NSG1: variants seen among roughly 807,000 people sequenced by gnomAD.
NSG1 encodes the protein neuronal vesicle trafficking-associated protein 1.
Under a neutral mutation model 19.3 loss-of-function variants are expected in NSG1, and 9 were observed. The ratio of observed to expected loss-of-function variants is 0.47; its 90% CI spans 0.28 to 0.81. The LOEUF (loss-of-function observed/expected upper bound fraction) is 0.81. NSG1 is among the 40% of genes least tolerant of loss of function. NSG1 has a pLI of 0.11. For missense variants in NSG1, 236 were observed against 242.4 expected (o/e 0.97, Z 0.18); for synonymous variants, 104 against 107.0 (o/e 0.97, Z 0.17).
chr4:4,415,266 C>T (rs779641553), intron 4 of NSG1, among the ~76,000 whole-genome samples: 18 of 152,170 alleles, frequency 1.2e-4, no homozygotes, highest in South Asian at 2.1e-4. Context: ...AACACACTTA[C>T]GTAGCTACCT....
At chr4:4,414,647 T>C (rs1560148954) in intron 4 of NSG1, among the ~76,000 whole-genome samples, 1 of 152,192 alleles carries the variant, frequency 6.6e-6, no homozygotes, top group African/African-American at 2.4e-5. Context: ...CAGAAGCCCT[T>C]TGAGGTGGAT....
At chr4:4,415,800 T>C in intron 4 of NSG1, 1 of 344,770 alleles carries the variant, frequency 2.9e-6, no homozygotes, top group Non-Finnish European at 5.4e-6. Flanking sequence ...AGGGGAACCC[T>C]TGGTCCGTTT....
rs533777180 is a variant in NSG1, at chr4:4,387,215, C to G, written c.-27+42C>G. 219 of 163,462 alleles carry G rather than the reference C, an allele frequency of 1.3e-3. 1 individual carries two copies. The highest frequency in any genetic ancestry group is 3.9e-3 in the Admixed American group (60 of 15,562). The allele number at this position is 163,462 out of a possible 1,614,324, so 10.1% of individuals were successfully genotyped here. ...GCGCCTGGGCTTGCCGAGGCCAGAC[C>G]TTGCCCGCCCAGGAGCAGTGCCCGG... On this transcript the variant is annotated intron_variant, in intron 1 of 4. Transcript: ENST00000621129.
At chr4:4,416,260 C>A in intron 4 of NSG1, 1 of 700,552 alleles carries the variant, frequency 1.4e-6, no homozygotes, top group South Asian at 1.5e-5. Flanking sequence ...GCCCTCCTGC[C>A]AGTGGCAGCC....
intron 3 of NSG1, among the ~76,000 whole-genome samples, chr4:4,402,371 AT>A (rs1161754574): frequency 1.3e-4 from 7 of 53,954 alleles, no homozygotes; most frequent in South Asian, 1.3e-3. Flanking sequence ...ACGCCTGGTT[AT>A]TTTTTTTTTT....
chr4:4,410,921 G>A (rs1010424476), intron 4 of NSG1, among the ~76,000 whole-genome samples: 5 of 152,188 alleles, frequency 3.3e-5, no homozygotes, highest in East Asian at 1.9e-4. Flanking sequence ...GCAATGGTGC[G>A]TTCTTGACTC....
chr4:4,411,591 A>G lies in NSG1; in HGVS notation c.357+1908A>G, dbSNP rs1248644456. On this transcript the variant is annotated intron_variant, in intron 4 of 4. Transcript: ENST00000621129. Reference sequence around the variant, plus strand: ...AAACACCGTCTCTACTAAAAATACAAAAATTAGCCAGGCATGGTGGCGGGT... The same window carrying G: ...AAACACCGTCTCTACTAAAAATACAGAAATTAGCCAGGCATGGTGGCGGGT... Among the ~76,000 whole-genome samples the G allele has an allele frequency of 3.3e-5, 5 of 152,178 alleles. No individual in the cohort carries two copies. The East Asian group carries it at 9.6e-4, about 29-fold the overall frequency.
intron 4 of NSG1, among the ~76,000 whole-genome samples, chr4:4,411,798 C>T (rs1724219123): frequency 1.4e-5 from 2 of 142,980 alleles, no homozygotes; most frequent in South Asian, 4.2e-4. Flanking sequence ...CAAAACATTG[C>T]CTTCTTCCAG....
chr4:4,409,567 C>G lies in NSG1; in HGVS notation c.247-6C>G. On this transcript the variant is annotated splice_polypyrimidine_tract_variant and splice_region_variant and intron_variant, in intron 3 of 4. Coordinates refer to ENST00000621129, the MANE Select transcript of NSG1 (RefSeq NM_014392.5). ...CCACCCCTGACAGTCCCACCTCTGC[C>G]CACAGGTCTCCGTGTTGGTCCTCTT... is the stretch of plus-strand genomic sequence containing the variant. 1.9e-6 allele frequency: 3 copies of G among 1,612,904 alleles called. No individual in the cohort carries two copies. The highest frequency in any genetic ancestry group is 2.5e-6 in the Non-Finnish European group (3 of 1,178,954).
intron 2 of NSG1, among the ~76,000 whole-genome samples, chr4:4,389,936 A>G (rs1385974785): frequency 6.6e-6 from 1 of 151,992 alleles, no homozygotes; most frequent in Admixed American, 6.6e-5. Context: ...CTACCATGTT[A>G]CCCCCATTTT....
intron 4 of NSG1, among the ~76,000 whole-genome samples, chr4:4,410,081 G>A (rs934929505): frequency 2.0e-5 from 3 of 152,200 alleles, no homozygotes; most frequent in African/African-American, 4.8e-5. Context: ...AGGAGAGGAT[G>A]TACTGGGGGA....
At chr4:4,416,289 G>T in intron 4 of NSG1, 1 of 690,966 alleles carries the variant, frequency 1.4e-6, no homozygotes, top group Admixed American at 2.1e-5. Context: ...CTGGATGCGG[G>T]GCAGTGTTGG....
intron 3 of NSG1, among the ~76,000 whole-genome samples, chr4:4,404,014 C>G (rs1723714051): frequency 6.6e-6 from 1 of 152,202 alleles, no homozygotes; most frequent in African/African-American, 2.4e-5. Flanking sequence ...ATGCCGCTAT[C>G]GCTACTTGGA....
chr4:4,396,852 TG>T (rs1478593992), intron 3 of NSG1, among the ~76,000 whole-genome samples: 1 of 146,588 alleles, frequency 6.8e-6, no homozygotes, highest in African/African-American at 2.5e-5. Context: ...CATTCAGCAG[TG>T]GGGGTGGGGG....
chr4:4,396,026 G>A (rs188453804), intron 3 of NSG1, among the ~76,000 whole-genome samples: 2 of 152,326 alleles, frequency 1.3e-5, no homozygotes, highest in Admixed American at 6.5e-5. Context: ...TCCGCCACAC[G>A]GGATGGCAGG....
intron 3 of NSG1, among the ~76,000 whole-genome samples, chr4:4,394,208 G>A (rs771322613): frequency 5.3e-5 from 8 of 152,140 alleles, no homozygotes; most frequent in African/African-American, 1.9e-4. Flanking sequence ...CACCCCAGGC[G>A]CCATCGCTGT....
chr4:4,416,286 C>A, intron 4 of NSG1: 2 of 693,880 alleles, frequency 2.9e-6, no homozygotes, highest in East Asian at 2.7e-5. Context: ...ACACTGGATG[C>A]GGGGCAGTGT....
chr4:4,413,037 G>A (rs1278857745), intron 4 of NSG1, among the ~76,000 whole-genome samples: 2 of 151,900 alleles, frequency 1.3e-5, no homozygotes, highest in South Asian at 4.2e-4. Flanking sequence ...TCAGGCTCCC[G>A]ACATTCAGCT....
intron 3 of NSG1, 100 bp downstream of exon 3, chr4:4,391,691 T>C (rs1286653323): frequency 1.1e-5 from 8 of 715,836 alleles, no homozygotes; most frequent in African/African-American, 1.8e-5. Flanking sequence ...TTTGACGCCG[T>C]TTGTCTGGGC....
Sources: gnomAD v4.1 joint callset for allele counts (sites outside exome capture counted in the v4.1 genomes callset) on GRCh38, gnomAD v4.1.1 for gene constraint, MANE v1.5 for transcripts, NCBI Gene and HGNC (gene_info 2026-07-23, HGNC 2026-07-21) for gene names.